The following CADPS2 variants were observed in gnomAD, a reference collection of about 807,000 sequenced individuals.
The protein encoded by CADPS2 is calcium-dependent secretion activator 2.
In CADPS2, 93 loss-of-function variants were observed where a neutral mutation model predicts 172.5. The observed-to-expected ratio is 0.54, with a 90% CI of 0.46 to 0.64. The LOEUF is 0.64. Ranked by LOEUF, CADPS2 falls within the 30% of genes least tolerant of loss-of-function variation. CADPS2 has a pLI of 0.00. For missense variants in CADPS2, 1,420 were observed against 1,565.9 expected (o/e 0.91, Z 1.57); for synonymous variants, 546 against 555.2 (o/e 0.98, Z 0.23).
chr7:122,599,148 G>A (rs1262141556), intron 6 of CADPS2, among the ~76,000 whole-genome samples: 1 of 152,120 alleles, frequency 6.6e-6, no homozygotes, highest in East Asian at 1.9e-4. Flanking sequence ...TTTTTAATGT[G>A]TGGACACAGG....
At position 122,642,565 on chromosome 7, in the gene CADPS2, T is replaced by TC. The variant is rs1588070066; in HGVS notation, c.787-13238_787-13237insG. The stretch of plus-strand genomic sequence containing the variant: ...CCCAACAGCTTTTTTTTTTTTTTTT[T>TC]ACAACTTATTATATTGCTCTTCTAG... On this transcript the variant is annotated intron_variant, in intron 3 of 29. Transcript: ENST00000449022. Among the ~76,000 whole-genome samples the TC allele has an allele frequency of 5.1e-5, 7 of 136,300 alleles. No homozygotes were observed. The East Asian group carries it at 1.3e-3, about 26-fold the overall frequency. The allele number at this position is 136,300 out of a possible 152,430, so 89.4% of individuals were successfully genotyped here.
chr7:122,736,832 G>T, intron 2 of CADPS2, 123 bp downstream of exon 2: 1 of 578,588 alleles, frequency 1.7e-6, no homozygotes, highest in Non-Finnish European at 3.1e-6. Flanking sequence ...CTTTCAAAAA[G>T]GTTGCAAATT....
At chr7:122,676,703 T>C in intron 2 of CADPS2, 1 of 1,587,262 alleles carries the variant, frequency 6.3e-7, no homozygotes, top group South Asian at 1.1e-5. Flanking sequence ...ATCCTGGAGG[T>C]GCTGTACAGG....
At chr7:122,689,107 T>C (rs1297782122) in intron 2 of CADPS2, among the ~76,000 whole-genome samples, 1 of 152,096 alleles carries the variant, frequency 6.6e-6, no homozygotes, top group Non-Finnish European at 1.5e-5. Flanking sequence ...AACAACATAC[T>C]ACTAATATTC....
At chr7:122,527,617 A>AGAGAGAGAGAGAGTGTGTGTGTGT in intron 8 of CADPS2, among the ~76,000 whole-genome samples, 67 of 83,864 alleles carry the variant, frequency 8.0e-4, no homozygotes, top group Non-Finnish European at 1.5e-3. Flanking sequence ...AGAGAGAGAG[A>AGAGAGAGAGAGAGTGTGTGTGTGT]GTGTGTGTGT....
At chr7:122,477,563 A>C (rs2056849895) in intron 12 of CADPS2, among the ~76,000 whole-genome samples, 1 of 151,936 alleles carries the variant, frequency 6.6e-6, no homozygotes, top group African/African-American at 2.4e-5. Flanking sequence ...AAAACAAAAA[A>C]CAAAAAACCA....
chr7:122,668,859 A>G (rs2081466032), intron 2 of CADPS2, among the ~76,000 whole-genome samples: 1 of 152,286 alleles, frequency 6.6e-6, no homozygotes, highest in Non-Finnish European at 1.5e-5. Context: ...CACTTTATTC[A>G]TCTGCCTTAC....
At chr7:122,690,063 G>A (rs142312084) in intron 2 of CADPS2, among the ~76,000 whole-genome samples, 42 of 152,314 alleles carry the variant, frequency 2.8e-4, no homozygotes, top group African/African-American at 8.7e-4. Flanking sequence ...CTGCTGGAAG[G>A]ACAGTGCCGA....
intron 6 of CADPS2, among the ~76,000 whole-genome samples, chr7:122,599,407 C>T (rs550422174): frequency 6.6e-6 from 1 of 152,016 alleles, no homozygotes; most frequent in South Asian, 2.1e-4. Context: ...ATTAAGAAGG[C>T]AGAATCAACA....
intron 1 of CADPS2, among the ~76,000 whole-genome samples, chr7:122,811,322 G>A (rs1307364704): frequency 6.6e-6 from 1 of 152,118 alleles, no homozygotes; most frequent in Non-Finnish European, 1.5e-5. Flanking sequence ...TAATCTGGAG[G>A]GGTGATTAAC....
intron 2 of CADPS2, among the ~76,000 whole-genome samples, chr7:122,683,952 C>A (rs565839294): frequency 5.7e-4 from 86 of 152,142 alleles, no homozygotes; most frequent in African/African-American, 1.9e-3. Context: ...AGATGGCATC[C>A]TCTACAAGGT....
chr7:122,675,018 T>C (rs2082251096), intron 2 of CADPS2, among the ~76,000 whole-genome samples: 1 of 152,258 alleles, frequency 6.6e-6, no homozygotes, highest in African/African-American at 2.4e-5. Flanking sequence ...TTCCAGTATG[T>C]AAATACCAGT....
At chr7:122,819,516 C>T (rs894592977) in intron 1 of CADPS2, among the ~76,000 whole-genome samples, 1 of 152,168 alleles carries the variant, frequency 6.6e-6, no homozygotes, top group Non-Finnish European at 1.5e-5. Flanking sequence ...ACCCACTCCA[C>T]ATTACCTTCT....
chr7:122,521,904 A>T (rs7804719), intron 8 of CADPS2, among the ~76,000 whole-genome samples: 6 of 152,110 alleles, frequency 3.9e-5, no homozygotes, highest in Non-Finnish European at 7.4e-5. Context: ...GCCTCAGCTC[A>T]TATCAGCACT....
At chr7:122,863,755 T>G (rs1817564978) in intron 1 of CADPS2, among the ~76,000 whole-genome samples, 1 of 152,180 alleles carries the variant, frequency 6.6e-6, no homozygotes, top group African/African-American at 2.4e-5. Flanking sequence ...ATAAGCCAGG[T>G]GCAGTGGCTC....
rs566263743 is a variant in CADPS2 at position 122,816,571 on chromosome 7, A to G, written c.339+69428T>C. On this transcript the variant is annotated intron_variant, in intron 1 of 29. Coordinates refer to ENST00000449022, the MANE Select transcript of CADPS2 (RefSeq NM_017954.11). ...TACAGCAGTGGAATTGCTGGATCAT[A>G]CAGTAGTTCTATTTTTAGTTTTTGG... 2.6e-5 allele frequency among the ~76,000 whole-genome samples: 4 copies of G among 152,308 alleles called. No individual in the cohort carries two copies. The South Asian group carries it at 6.2e-4, about 24-fold the overall frequency.
chr7:122,535,634 T>TCTACTAGA (rs2062185308), intron 8 of CADPS2, among the ~76,000 whole-genome samples: 1 of 152,096 alleles, frequency 6.6e-6, no homozygotes, highest in Non-Finnish European at 1.5e-5. Context: ...CACACATTCC[T>TCTACTAGA]GTAAGAACTA....
rs548569081 is a variant in CADPS2, at chr7:122,798,725, A to G, written c.340-61657T>C. 1.2e-4 allele frequency among the ~76,000 whole-genome samples: 19 copies of G among 152,156 alleles called. No individual in the cohort carries two copies. In the South Asian group the frequency reaches 1.7e-3, roughly 13 times the overall value. On this transcript the variant is annotated intron_variant, in intron 1 of 29. Coordinates refer to ENST00000449022, the MANE Select transcript of CADPS2 (RefSeq NM_017954.11). ...TAGAGAAACTTCTGTTTTACTATAA[A>G]CTCTACTTCATCAAGAACTTGTTCC...
chr7:122,794,027 C>T (rs981935631), intron 1 of CADPS2, among the ~76,000 whole-genome samples: 3 of 152,172 alleles, frequency 2.0e-5, no homozygotes, highest in Non-Finnish European at 2.9e-5. Flanking sequence ...TCTTTGTAGG[C>T]GTCCTGACCT....
Sources: gnomAD v4.1 joint callset for allele counts (sites outside exome capture counted in the v4.1 genomes callset) on GRCh38, gnomAD v4.1.1 for gene constraint, MANE v1.5 for transcripts, NCBI Gene and HGNC (gene_info 2026-07-23, HGNC 2026-07-21) for gene names.